The following TAOK1 variants were observed in gnomAD, a reference collection of about 807,000 sequenced individuals.
The protein encoded by TAOK1 is serine/threonine-protein kinase TAO1.
In TAOK1, 21 loss-of-function variants were observed where a neutral mutation model predicts 138.3. That is an observed-to-expected ratio of 0.15 (90% CI 0.11 to 0.22). The LOEUF is 0.22. Among genes scored for constraint, TAOK1 ranks in the 10% least tolerant of loss-of-function variants. The probability of loss-of-function intolerance (pLI) is 1.00; values close to 1 mark genes in which losing one functional copy is unlikely to be tolerated. For missense variants in TAOK1, 651 were observed against 1,227.7 expected, an observed-to-expected ratio of 0.53 and a Z score of 7.02; for synonymous variants, 361 against 398.4, an observed-to-expected ratio of 0.91 and a Z score of 1.12.
chr17:29,483,594 G>GT (rs963474914), intron 8 of TAOK1, among the ~76,000 whole-genome samples: 51 of 151,920 alleles, frequency 3.4e-4, no homozygotes, highest in African/African-American at 1.1e-3. Flanking sequence ...TTGCAGTCCA[G>GT]TTTTTTTTCC....
chr17:29,458,819 C>T (rs9889591), intron 2 of TAOK1, among the ~76,000 whole-genome samples: 3 of 152,010 alleles, frequency 2.0e-5, no homozygotes, highest in Non-Finnish European at 2.9e-5. Context: ...CTCAGCCTGC[C>T]GAGTAGCTGG....
intron 17 of TAOK1, among the ~76,000 whole-genome samples, chr17:29,525,206 G>A (rs1376678177): frequency 2.0e-5 from 3 of 152,078 alleles, no homozygotes; most frequent in Non-Finnish European, 4.4e-5. Context: ...TCCGCCTCCC[G>A]GGTTCAAGCA....
intron 9 of TAOK1, among the ~76,000 whole-genome samples, chr17:29,491,353 G>A (rs1430239510): frequency 1.3e-5 from 2 of 152,128 alleles, no homozygotes; most frequent in Non-Finnish European, 2.9e-5. Context: ...TCTCTCCAGA[G>A]CAGATAGAGT....
Position 29,551,156 on chromosome 17 carries a change from T to TA in TAOK1, c.*8135dup, listed in dbSNP as rs1366693349. ...GTTCTTTTCTAAAAGTGGTATCTGT[T>TA]ATCCACAATGTATTTTAGTTATTCC... On this transcript the variant is annotated 3_prime_UTR_variant, in exon 20 of 20. Coordinates refer to ENST00000261716, the MANE Select transcript of TAOK1 (RefSeq NM_020791.4). The TA allele has an allele frequency of 6.6e-6, 1 of 152,216 alleles. No homozygotes were observed. Among genetic ancestry groups the TA allele is most frequent in the Non-Finnish European group, 1.5e-5 (1 of 68,026 alleles). 9.4% of individuals were successfully genotyped at this position (152,216 alleles called of 1,614,324 possible).
intron 18 of TAOK1, among the ~76,000 whole-genome samples, chr17:29,533,202 G>A (rs1460736830): frequency 2.0e-5 from 3 of 151,020 alleles, no homozygotes; most frequent in Non-Finnish European, 3.0e-5. Context: ...CATCCCAGAT[G>A]GGGTGGCGGG....
At chr17:29,455,994 T>C (rs1442469752) in intron 2 of TAOK1, among the ~76,000 whole-genome samples, 1 of 150,116 alleles carries the variant, frequency 6.7e-6, no homozygotes, top group Non-Finnish European at 1.5e-5. Flanking sequence ...AGTTAGGAAG[T>C]GTTCCCTTCT....
chr17:29,468,574 G>A (rs186347606), intron 3 of TAOK1, among the ~76,000 whole-genome samples: 1 of 150,184 alleles, frequency 6.7e-6, no homozygotes, highest in Non-Finnish European at 1.5e-5. Flanking sequence ...TTGAGACAGA[G>A]CATCTCTCTG....
intron 2 of TAOK1, among the ~76,000 whole-genome samples, chr17:29,456,748 T>A (rs1183899306): frequency 6.6e-6 from 1 of 150,536 alleles, no homozygotes; most frequent in Non-Finnish European, 1.5e-5. Context: ...TTTGTTTTGT[T>A]TTTAAAACGG....
intron 10 of TAOK1, among the ~76,000 whole-genome samples, chr17:29,494,676 A>G (rs2031375142): frequency 6.6e-6 from 1 of 151,752 alleles, no homozygotes; most frequent in South Asian, 2.1e-4. Context: ...AATACCAAAA[A>G]TTAGCCGGGT....
intron 1 of TAOK1, among the ~76,000 whole-genome samples, chr17:29,410,627 T>G (rs950711888): frequency 1.3e-5 from 2 of 150,450 alleles, no homozygotes. Flanking sequence ...TTGTTTTTTT[T>G]TTTTTTGGTT....
At position 29,547,051 on chromosome 17, in the gene TAOK1, A is replaced by G. The variant is rs1567752168; in HGVS notation, c.*4029A>G. The G allele has an allele frequency of 6.6e-6, 1 of 152,142 alleles. No individual in the cohort carries two copies. Among genetic ancestry groups the G allele is most frequent in the Non-Finnish European group, 1.5e-5 (1 of 67,988 alleles). The allele number at this position is 152,142 out of a possible 1,614,324, so 9.4% of individuals were successfully genotyped here. On this transcript the variant is annotated 3_prime_UTR_variant, in exon 20 of 20. Transcript: ENST00000261716. ...TTCTGTGAGTTTGTGTTGTGATGCA[A>G]TAAGAGATAAGTAATGCAGAGAGAA...
rs573247609 is a variant in TAOK1, at chr17:29,532,886, C to T, written c.2362-1232C>T. 5.3e-4 allele frequency among the ~76,000 whole-genome samples: 80 copies of T among 151,800 alleles called. No homozygotes were observed. In the South Asian group the frequency reaches 0.014, roughly 27 times the overall value. ...TACACCTCCCAGACGGGGTGGTGGC[C>T]GGGCAGAGGCGCCCCTCACCTCCTA... On this transcript the variant is annotated intron_variant, in intron 18 of 19. Coordinates refer to ENST00000261716, the MANE Select transcript of TAOK1 (RefSeq NM_020791.4).
At chr17:29,526,036 G>A (rs1344268281) in intron 17 of TAOK1, among the ~76,000 whole-genome samples, 2 of 152,182 alleles carry the variant, frequency 1.3e-5, no homozygotes, top group African/African-American at 4.8e-5. Context: ...GCTCATACCT[G>A]TAATCCCAGT....
intron 18 of TAOK1, among the ~76,000 whole-genome samples, chr17:29,530,962 A>ATTTTATTT (rs574639921): frequency 1.0e-5 from 1 of 96,192 alleles, no homozygotes; most frequent in Non-Finnish European, 1.9e-5. Flanking sequence ...ACAAGTACAA[A>ATTTTATTT]TTTTTTTTTT....
intron 17 of TAOK1, among the ~76,000 whole-genome samples, chr17:29,524,720 C>T (rs1171365572): frequency 3.9e-5 from 6 of 152,086 alleles, no homozygotes; most frequent in Non-Finnish European, 8.8e-5. Context: ...CCTTTAGTAG[C>T]GGAGGCAGAA....
chr17:29,423,943 G>C (rs1266201317), intron 1 of TAOK1, among the ~76,000 whole-genome samples: 2 of 151,786 alleles, frequency 1.3e-5, no homozygotes, highest in Non-Finnish European at 2.9e-5. Context: ...CAGCTACTCT[G>C]GAGGCTGAGG....
chr17:29,393,672 C>A (rs1904500764), intron 1 of TAOK1, among the ~76,000 whole-genome samples: 1 of 152,100 alleles, frequency 6.6e-6, no homozygotes, highest in African/African-American at 2.4e-5. Context: ...CTTTTAATGA[C>A]TTAATTTTTG....
At position 29,397,607 on chromosome 17, in the gene TAOK1, C is replaced by CCCCCAAA. The variant is rs60665025; in HGVS notation, c.-95+6583_-95+6584insCCCCAAA. Among the ~76,000 whole-genome samples the CCCCCAAA allele has an allele frequency of 2.9e-3, 276 of 94,552 alleles. 4 individuals are homozygous for CCCCCAAA. The highest frequency in any genetic ancestry group is 5.8e-3 in the Middle Eastern group (1 of 172). 62.0% of individuals were successfully genotyped at this position (94,552 alleles called of 152,430 possible). A position where few individuals can be genotyped will look rare whatever the true frequency, so the allele number is the denominator to read the frequency against. On this transcript the variant is annotated intron_variant, in intron 1 of 19. Transcript: ENST00000261716. ...AACAGAGTGAGATTCCGTCCCCCCC[C>CCCCCAAA]AAAAAAATATATATATATATATACA... is the stretch of plus-strand genomic sequence containing the variant.
At chr17:29,440,861 C>T (rs887448316) in intron 1 of TAOK1, among the ~76,000 whole-genome samples, 3 of 152,194 alleles carry the variant, frequency 2.0e-5, no homozygotes, top group African/African-American at 4.8e-5. Flanking sequence ...CAGGCATGAG[C>T]CACCGGCCCA....
Sources: gnomAD v4.1 joint callset for allele counts (sites outside exome capture counted in the v4.1 genomes callset) on GRCh38, gnomAD v4.1.1 for gene constraint, MANE v1.5 for transcripts, NCBI Gene and HGNC (gene_info 2026-07-23, HGNC 2026-07-21) for gene names.